SLC45A4: variants seen among roughly 807,000 people sequenced by gnomAD.
The protein encoded by SLC45A4 is solute carrier family 45 member 4.
In SLC45A4, 32 loss-of-function variants were observed where a neutral mutation model predicts 63.7. That is an observed-to-expected ratio of 0.50 (90% CI 0.38 to 0.67). The LOEUF (loss-of-function observed/expected upper bound fraction) is 0.67. SLC45A4 is among the 30% of genes least tolerant of loss of function. SLC45A4 has a pLI of 0.00. For missense variants in SLC45A4, 1,027 were observed against 1,157.7 expected, an observed-to-expected ratio of 0.89 and a Z score of 1.64; for synonymous variants, 535 against 510.0, an observed-to-expected ratio of 1.05 and a Z score of -0.66.
intron 1 of SLC45A4, among the ~76,000 whole-genome samples, chr8:141,304,458 C>T (rs1467086761): frequency 6.7e-6 from 1 of 150,300 alleles, no homozygotes; most frequent in Non-Finnish European, 1.5e-5. Flanking sequence ...ATTCGGGAGG[C>T]GGAGGCAAAA....
intron 2 of SLC45A4, among the ~76,000 whole-genome samples, chr8:141,235,931 G>A (rs1036157264): frequency 2.0e-5 from 3 of 152,034 alleles, no homozygotes; most frequent in African/African-American, 4.8e-5. Context: ...GTGAAACCCC[G>A]TCTCTACTAA....
At chr8:141,231,384 G>A (rs1231528524) in intron 2 of SLC45A4, among the ~76,000 whole-genome samples, 4 of 152,212 alleles carry the variant, frequency 2.6e-5, no homozygotes, top group Non-Finnish European at 2.9e-5. Flanking sequence ...TGAGGAGGCC[G>A]GTTTGGTCCA....
intron 2 of SLC45A4, among the ~76,000 whole-genome samples, chr8:141,238,335 T>C (rs898331794): frequency 9.2e-5 from 14 of 152,142 alleles, no homozygotes. Context: ...CAACATCGAA[T>C]TGACCTTTTT....
intron 1 of SLC45A4, among the ~76,000 whole-genome samples, chr8:141,263,283 G>A (rs1165087650): frequency 1.3e-5 from 2 of 151,740 alleles, no homozygotes; most frequent in Non-Finnish European, 2.9e-5. Context: ...GTTAATGGGT[G>A]CAGCACACCA....
chr8:141,243,676 C>T (rs1206526328), intron 2 of SLC45A4, among the ~76,000 whole-genome samples: 3 of 152,184 alleles, frequency 2.0e-5, no homozygotes, highest in South Asian at 2.1e-4. Flanking sequence ...CCTTGAACAA[C>T]GTGGGTTTGA....
At chr8:141,287,057 G>A (rs144222131) in intron 1 of SLC45A4, among the ~76,000 whole-genome samples, 1 of 152,264 alleles carries the variant, frequency 6.6e-6, no homozygotes, top group Non-Finnish European at 1.5e-5. Flanking sequence ...GAAGTCGCCT[G>A]ACCGCTCCAG....
At chr8:141,236,256 G>T (rs1368062149) in intron 2 of SLC45A4, among the ~76,000 whole-genome samples, 1 of 152,134 alleles carries the variant, frequency 6.6e-6, no homozygotes, top group Non-Finnish European at 1.5e-5. Context: ...CAACATGTAG[G>T]CGTCCAGAGA....
chr8:141,271,776 C>T (rs182623070), intron 1 of SLC45A4, among the ~76,000 whole-genome samples: 37 of 152,342 alleles, frequency 2.4e-4, no homozygotes, highest in African/African-American at 6.3e-4. Flanking sequence ...CAGCACAGGA[C>T]AGGCACTGAG....
intron 1 of SLC45A4, among the ~76,000 whole-genome samples, chr8:141,271,232 C>G (rs149212901): frequency 6.6e-6 from 1 of 152,212 alleles, no homozygotes; most frequent in Non-Finnish European, 1.5e-5. Context: ...ACCTTCCTGC[C>G]GGTGAAGTCA....
At chr8:141,222,702 C>A (rs1036355327) in intron 2 of SLC45A4, among the ~76,000 whole-genome samples, 63 of 152,276 alleles carry the variant, frequency 4.1e-4, no homozygotes, top group African/African-American at 1.4e-3. Context: ...TGAGCACGAG[C>A]CCACTCACAG....
intron 2 of SLC45A4, among the ~76,000 whole-genome samples, chr8:141,242,737 G>C (rs926926470): frequency 6.6e-6 from 1 of 152,162 alleles, no homozygotes; most frequent in Admixed American, 6.5e-5. Context: ...GAAGAGAGCC[G>C]GCAGATACTG....
chr8:141,271,460 G>A (rs1019232929), intron 1 of SLC45A4, among the ~76,000 whole-genome samples: 1 of 152,226 alleles, frequency 6.6e-6, no homozygotes, highest in African/African-American at 2.4e-5. Flanking sequence ...TGGCTCAGAT[G>A]CCCAAGAACC....
intron 1 of SLC45A4, among the ~76,000 whole-genome samples, chr8:141,296,539 T>A (rs1365513884): frequency 7.7e-5 from 10 of 129,346 alleles, no homozygotes; most frequent in South Asian, 2.6e-4. Context: ...AAATTAAAAT[T>A]AAAAAAAAAA....
intron 1 of SLC45A4, among the ~76,000 whole-genome samples, chr8:141,289,478 T>A (rs972868974): frequency 6.6e-6 from 1 of 152,160 alleles, no homozygotes; most frequent in Non-Finnish European, 1.5e-5. Context: ...CTTTCAGGGC[T>A]CCAGATGGGA....
Position 141,209,629 on chromosome 8 carries a change from CA to C in SLC45A4, c.*1942del, listed in dbSNP as rs1014640469. The C allele has an allele frequency of 3.9e-5, 6 of 152,318 alleles. No homozygotes were observed. The highest frequency in any genetic ancestry group is 5.9e-5 in the Non-Finnish European group (4 of 68,118). 9.4% of individuals were successfully genotyped at this position (152,318 alleles called of 1,614,324 possible). A position where few individuals can be genotyped will look rare whatever the true frequency, so the allele number is the denominator to read the frequency against. On this transcript the variant is annotated 3_prime_UTR_variant, in exon 9 of 9. Transcript: ENST00000517878. ...AAGTGCTGACAGCTTGACGAGTCTA[CA>C]AAGTGTGCAGCCACCGACTCCTGTC...
In SLC45A4 at chr8:141,218,237, T is replaced by A; in HGVS notation, c.1403A>T (p.His468Leu). 1 of 1,601,816 alleles carries A rather than the reference T, an allele frequency of 6.2e-7. No homozygotes were observed. Among genetic ancestry groups the A allele is most frequent in the Non-Finnish European group, 8.5e-7 (1 of 1,179,610 alleles). The stretch of plus-strand genomic sequence containing the variant: ...GGCCCCGCTCTGGTTCCGGTGCCGG[T>A]GCTGCCGCTGCCGCTTCTGCATGTC... ...LYDMQKRQRQ[H>L]RHRNQSGATT... Residue 468 changes from histidine (H) to leucine (L), a missense_variant, in exon 5 of 9, where the codon CAC (histidine) becomes CTC (leucine). Coordinates refer to ENST00000517878, the MANE Select transcript of SLC45A4 (RefSeq NM_001286646.2).
intron 2 of SLC45A4, among the ~76,000 whole-genome samples, chr8:141,235,471 G>A (rs1362851097): frequency 2.6e-5 from 4 of 152,168 alleles, no homozygotes; most frequent in African/African-American, 9.7e-5. Flanking sequence ...AGAATATGAA[G>A]GACCAAAGAC....
chr8:141,305,915 CAG>C (rs1830885290), intron 1 of SLC45A4, among the ~76,000 whole-genome samples: 1 of 152,298 alleles, frequency 6.6e-6, no homozygotes, highest in Non-Finnish European at 1.5e-5. Context: ...GCCGCTGCCG[CAG>C]CCCTCTCCTT....
intron 8 of SLC45A4, 62 bp downstream of exon 8, chr8:141,212,135 G>T: frequency 1.8e-6 from 1 of 544,542 alleles, no homozygotes. Context: ...GCCTGGCCCC[G>T]CCGCCCGCCC....
Sources: allele counts gnomAD v4.1 joint callset (sites outside exome capture counted in the v4.1 genomes callset), GRCh38; gene constraint gnomAD v4.1.1; transcripts MANE v1.5; gene names NCBI Gene and HGNC (gene_info 2026-07-23, HGNC 2026-07-21).